KIF26B: variants seen among roughly 807,000 people sequenced by gnomAD.
The protein encoded by KIF26B is kinesin family member 26B.
In KIF26B, 63 loss-of-function variants were observed where a neutral mutation model predicts 151.2. That is an observed-to-expected ratio of 0.42 (90% CI 0.34 to 0.51). KIF26B has a LOEUF of 0.51. KIF26B is among the 20% of genes least tolerant of loss of function. KIF26B has a pLI of 0.07. For missense variants in KIF26B, 2,813 were observed against 2,913.6 expected (o/e 0.97, Z 0.79); for synonymous variants, 1,357 against 1,262.1 (o/e 1.08, Z -1.59).
intron 2 of KIF26B, among the ~76,000 whole-genome samples, chr1:245,207,957 C>G (rs1669439649): frequency 6.6e-6 from 1 of 152,210 alleles, no homozygotes; most frequent in Non-Finnish European, 1.5e-5. Flanking sequence ...CTTTTGCTGT[C>G]TGGCTGCAAA....
rs576636493 is a variant in KIF26B at position 245,189,291 on chromosome 1, CTCT to C, written c.465+32613_465+32615del. Reference sequence around the variant, plus strand: ...TCCTGGGAAATATGATATAATAAATCTCTTCTTATGTTATTCCAGGTCTGGAAA... The same window carrying C: ...TCCTGGGAAATATGATATAATAAATCTCTTATGTTATTCCAGGTCTGGAAA... On this transcript the variant is annotated intron_variant, in intron 2 of 14. Coordinates refer to ENST00000407071, the MANE Select transcript of KIF26B (RefSeq NM_018012.4). 3.0e-4 allele frequency among the ~76,000 whole-genome samples: 46 copies of C among 152,302 alleles called. 1 individual carries two copies. The South Asian group carries it at 8.5e-3, about 28-fold the overall frequency.
At chr1:245,445,029 A>T (rs558508057) in intron 4 of KIF26B, among the ~76,000 whole-genome samples, 2 of 152,230 alleles carry the variant, frequency 1.3e-5, no homozygotes, top group Admixed American at 1.3e-4. Context: ...GCTGAACATG[A>T]ACCCCAAATT....
intron 4 of KIF26B, among the ~76,000 whole-genome samples, chr1:245,433,134 T>G (rs1658821302): frequency 6.6e-6 from 1 of 152,182 alleles, no homozygotes; most frequent in South Asian, 2.1e-4. Flanking sequence ...CTTGAAAACT[T>G]AGATCTCTCT....
At chr1:245,433,998 A>G (rs922263269) in intron 4 of KIF26B, among the ~76,000 whole-genome samples, 1 of 152,180 alleles carries the variant, frequency 6.6e-6, no homozygotes, top group African/African-American at 2.4e-5. Flanking sequence ...TTTTTTTTAA[A>G]AAATGAACAA....
intron 4 of KIF26B, among the ~76,000 whole-genome samples, chr1:245,429,966 G>A (rs1658739173): frequency 6.6e-6 from 1 of 152,118 alleles, no homozygotes; most frequent in Non-Finnish European, 1.5e-5. Context: ...ATAAGGAAGA[G>A]ACTGAAGGGA....
intron 4 of KIF26B, among the ~76,000 whole-genome samples, chr1:245,469,817 A>G (rs1261950058): frequency 2.0e-5 from 3 of 152,318 alleles, no homozygotes; most frequent in Middle Eastern, 3.4e-3. Context: ...CACTTAAACC[A>G]TTAATCAAAA....
intron 2 of KIF26B, 63 bp downstream of exon 2, chr1:245,156,746 A>G (rs983293637): frequency 1.6e-5 from 18 of 1,115,204 alleles, no homozygotes; most frequent in Middle Eastern, 3.1e-4. Flanking sequence ...CGCCACCCAC[A>G]GCAGCTGCTC....
intron 2 of KIF26B, among the ~76,000 whole-genome samples, chr1:245,219,153 T>TGGAGA (rs1669710052): frequency 3.2e-5 from 3 of 95,026 alleles, no homozygotes; most frequent in Admixed American, 1.2e-4. Context: ...TTTTTTTTTT[T>TGGAGA]TTTGAGACGG....
At chr1:245,649,888 T>C (rs777877542) in intron 10 of KIF26B, among the ~76,000 whole-genome samples, 1 of 152,214 alleles carries the variant, frequency 6.6e-6, no homozygotes, top group Admixed American at 6.5e-5. Context: ...TTGGATTCAT[T>C]ACCCATCCCA....
chr1:245,186,801 C>T (rs1209887138), intron 2 of KIF26B, among the ~76,000 whole-genome samples: 3 of 152,082 alleles, frequency 2.0e-5, no homozygotes, highest in Non-Finnish European at 2.9e-5. Flanking sequence ...ATCATCATCA[C>T]CAAAGGAACT....
chr1:245,526,729 G>T (rs1298761298), intron 4 of KIF26B, among the ~76,000 whole-genome samples: 1 of 152,190 alleles, frequency 6.6e-6, no homozygotes, highest in Non-Finnish European at 1.5e-5. Flanking sequence ...TACTCGCTCT[G>T]CGAAGGCTGC....
intron 9 of KIF26B, among the ~76,000 whole-genome samples, chr1:245,612,576 A>T (rs1448798586): frequency 6.6e-6 from 1 of 152,216 alleles, no homozygotes; most frequent in African/African-American, 2.4e-5. Flanking sequence ...GGTCAAAGTT[A>T]CAAAAAGAAA....
At chr1:245,575,474 C>CAA (rs543333513) in intron 5 of KIF26B, among the ~76,000 whole-genome samples, 16 of 147,914 alleles carry the variant, frequency 1.1e-4, no homozygotes, top group South Asian at 4.3e-4. Flanking sequence ...GACTCCATCT[C>CAA]AAAAAAAAAA....
rs1573772164 is a variant in KIF26B at position 245,318,643 on chromosome 1, G to A, written c.466-48191G>A. Among the ~76,000 whole-genome samples the A allele has an allele frequency of 6.6e-6, 1 of 152,154 alleles. No individual in the cohort carries two copies. The highest frequency in any genetic ancestry group is 1.5e-5 in the Non-Finnish European group (1 of 68,044). The stretch of plus-strand genomic sequence containing the variant: ...TTCATAGGGAAAGCAGCAAGGATGA[G>A]TTCGGGAGACTCTGGCATATGCATC... On this transcript the variant is annotated intron_variant, in intron 2 of 14. Coordinates refer to ENST00000407071, the MANE Select transcript of KIF26B (RefSeq NM_018012.4). This position sits in a 1 kb window ranked among gnomAD's most constrained non-coding sequence, Gnocchi z 4.0.
At chr1:245,655,585 G>T (rs886438302) in intron 10 of KIF26B, among the ~76,000 whole-genome samples, 1 of 152,206 alleles carries the variant, frequency 6.6e-6, no homozygotes, top group Admixed American at 6.5e-5. Flanking sequence ...GGAGGCAAAG[G>T]ACTCTGCCCT....
intron 2 of KIF26B, among the ~76,000 whole-genome samples, chr1:245,333,573 G>A (rs899973095): frequency 2.0e-5 from 3 of 152,178 alleles, no homozygotes; most frequent in African/African-American, 4.8e-5. Context: ...CCATGGAACT[G>A]TACACTTAAA....
At chr1:245,378,904 G>C (rs1292050131) in intron 3 of KIF26B, among the ~76,000 whole-genome samples, 1 of 152,180 alleles carries the variant, frequency 6.6e-6, no homozygotes. Context: ...CAGAGCTGTT[G>C]TTGGGATCAT....
intron 5 of KIF26B, among the ~76,000 whole-genome samples, chr1:245,567,264 C>T (rs116182432): frequency 0.028 from 4,198 of 152,316 alleles, 78 homozygotes; most frequent in Non-Finnish European, 0.043. Context: ...ATTCTTCCTG[C>T]TCCTGATTTA....
chr1:245,381,728 C>A (rs945669091), intron 3 of KIF26B, among the ~76,000 whole-genome samples: 1 of 152,166 alleles, frequency 6.6e-6, no homozygotes, highest in Non-Finnish European at 1.5e-5. Context: ...ACACTCACTG[C>A]CCATTCTCCC....
Sources: gnomAD v4.1 joint callset for allele counts (sites outside exome capture counted in the v4.1 genomes callset) on GRCh38, gnomAD v4.1.1 for gene constraint, Gnocchi (gnomAD v3.1) non-coding constraint, MANE v1.5 for transcripts, NCBI Gene and HGNC (gene_info 2026-07-23, HGNC 2026-07-21) for gene names.